NPR3: variants seen among roughly 807,000 people sequenced by gnomAD.
NPR3 encodes natriuretic peptide receptor 3, also known as atrial natriuretic peptide receptor 3.
NPR3 carries 34 observed loss-of-function variants against 54.5 expected under a neutral mutation model. The observed-to-expected ratio is 0.62, with a 90% CI of 0.47 to 0.83. The LOEUF (loss-of-function observed/expected upper bound fraction) is 0.83, where lower values mean the gene tolerates loss of function less well. NPR3 is among the 40% of genes least tolerant of loss of function. NPR3 has a pLI of 0.00. For missense variants in NPR3, 674 were observed against 720.8 expected, an observed-to-expected ratio of 0.94 and a Z score of 0.74; for synonymous variants, 289 against 297.1, an observed-to-expected ratio of 0.97 and a Z score of 0.28.
chr5:32,739,427 A>G (rs1450391304), intron 3 of NPR3, among the ~76,000 whole-genome samples: 1 of 152,084 alleles, frequency 6.6e-6, no homozygotes, highest in African/African-American at 2.4e-5. Flanking sequence ...AATTTTTTCA[A>G]AGCTTGGTGG....
rs542878651 is a variant in NPR3 at position 32,768,060 on chromosome 5, C to T, written c.1060-6648C>T. 8.5e-5 allele frequency among the ~76,000 whole-genome samples: 13 copies of T among 152,314 alleles called. No homozygotes were observed. In the East Asian group the frequency reaches 2.1e-3, roughly 25 times the overall value. On this transcript the variant is annotated intron_variant, in intron 3 of 7. Coordinates refer to ENST00000265074, the MANE Select transcript of NPR3 (RefSeq NM_001204375.2). Reference sequence around the variant, plus strand: ...GGTGAGTGGGATGCCTGCTCCTGATCCTGCTCCTCTTCCCGCCCTTCTCCT... The same window carrying T: ...GGTGAGTGGGATGCCTGCTCCTGATTCTGCTCCTCTTCCCGCCCTTCTCCT...
chr5:32,712,421 C>T lies in NPR3; in HGVS notation c.645C>T (p.Phe215=), dbSNP rs1431324717. The T allele has an allele frequency of 6.2e-7, 1 of 1,613,030 alleles. No homozygotes were observed. The highest frequency in any genetic ancestry group is 2.2e-5 in the East Asian group (1 of 44,884). ...SDDKLERNCY[F]TLEGVHEVFQ... ...ACAAGCTGGAGCGGAACTGCTACTT[C>T]ACCCTCGAGGGGGTCCACGAGGTCT... is the stretch of plus-strand genomic sequence containing the variant. The change falls in exon 1 of 8, where the codon TTC becomes TTT. Residue 215 remains phenylalanine (F), a synonymous_variant. Transcript: ENST00000265074.
intron 3 of NPR3, among the ~76,000 whole-genome samples, chr5:32,756,442 A>G (rs1740844686): frequency 1.3e-5 from 2 of 151,944 alleles, no homozygotes; most frequent in Non-Finnish European, 2.9e-5. Context: ...CTACTTTTTG[A>G]TGGGGTTGTT....
chr5:32,716,408 C>T lies in NPR3; in HGVS notation c.769+3863C>T, dbSNP rs1024491436. Reference sequence around the variant, plus strand: ...GTTTTAGGTCTTATCTGTTGGAATCCCAGTGGAAGAAAATTCTCTTCTTGA... The same window carrying T: ...GTTTTAGGTCTTATCTGTTGGAATCTCAGTGGAAGAAAATTCTCTTCTTGA... On this transcript the variant is annotated intron_variant, in intron 1 of 7. Transcript: ENST00000265074. 3 of 454,304 alleles carry T rather than the reference C, an allele frequency of 6.6e-6. No individual in the cohort carries two copies. In the Admixed American group the frequency reaches 7.1e-5, roughly 11 times the overall value. The allele number at this position is 454,304 out of a possible 1,614,324, so 28.1% of individuals were successfully genotyped here.
chr5:32,785,013 G>C (rs1742535574), intron 7 of NPR3, 130 bp downstream of exon 7: 2 of 770,324 alleles, frequency 2.6e-6, no homozygotes, highest in Non-Finnish European at 4.3e-6. Context: ...AAAAATCTCA[G>C]CCATTCTTTT....
upstream of NPR3, among the ~76,000 whole-genome samples, chr5:32,707,931 G>A (rs887196739): frequency 6.7e-5 from 10 of 148,486 alleles, no homozygotes; most frequent in African/African-American, 2.2e-4. Context: ...AAAATAAACC[G>A]TTGAATACTT....
At chr5:32,710,519 G>A, upstream of NPR3, 2 of 897,246 alleles carry the variant, frequency 2.2e-6, no homozygotes, top group Non-Finnish European at 1.5e-6. Flanking sequence ...GCTGACAGAG[G>A]GTCCGTGAGC....
intron 3 of NPR3, among the ~76,000 whole-genome samples, chr5:32,744,145 G>C (rs556382311): frequency 6.6e-5 from 10 of 151,796 alleles, no homozygotes; most frequent in Middle Eastern, 3.4e-3. Context: ...GGCACGTGCC[G>C]CCACGCCTGG....
rs1460036658 is a variant in NPR3 at position 32,711,936 on chromosome 5, G to A, written c.160G>A (p.Glu54Lys). ...EREALPPQKIEVLVLLPQDDS... is the reference protein window; with the variant it reads ...EREALPPQKIKVLVLLPQDDS... The stretch of plus-strand genomic sequence containing the variant: ...AGAGGCGCTGCCGCCACAGAAGATC[G>A]AGGTGCTGGTGTTACTGCCCCAGGA... The change falls in exon 1 of 8, where the codon GAG (glutamate) becomes AAG (lysine). Residue 54 changes from glutamate (E) to lysine (K), a missense_variant. By Grantham distance (56) the Glu-to-Lys change is moderately conservative. Transcript: ENST00000265074. 1.3e-6 allele frequency: 2 copies of A among 1,527,006 alleles called. No individual in the cohort carries two copies. Among genetic ancestry groups the A allele is most frequent in the Non-Finnish European group, 1.8e-6 (2 of 1,135,734 alleles). The allele number at this position is 1,527,006 out of a possible 1,614,324, so 94.6% of individuals were successfully genotyped here.
At chr5:32,768,083 C>T (rs1262123857) in intron 3 of NPR3, among the ~76,000 whole-genome samples, 1 of 152,176 alleles carries the variant, frequency 6.6e-6, no homozygotes, top group South Asian at 2.1e-4. Context: ...CCGCCCTTCT[C>T]CTGTTGGGTT....
At chr5:32,769,458 G>A (rs774258946) in intron 3 of NPR3, among the ~76,000 whole-genome samples, 22 of 152,130 alleles carry the variant, frequency 1.4e-4, no homozygotes, top group Non-Finnish European at 1.2e-4. Context: ...CCTATGATGG[G>A]CCCATCTCTT....
At position 32,757,546 on chromosome 5, in the gene NPR3, A is replaced by C. The variant is rs193140953; in HGVS notation, c.1060-17162A>C. 2.9e-4 allele frequency among the ~76,000 whole-genome samples: 44 copies of C among 152,308 alleles called. No homozygotes were observed. The East Asian group carries it at 8.5e-3, about 29-fold the overall frequency. Reference sequence around the variant, plus strand: ...AAATATACAGTCATGTCATCTGCAAACAGGGACAGTTTGACTTCCTCTTTT... The same window carrying C: ...AAATATACAGTCATGTCATCTGCAACCAGGGACAGTTTGACTTCCTCTTTT... On this transcript the variant is annotated intron_variant, in intron 3 of 7. Coordinates refer to ENST00000265074, the MANE Select transcript of NPR3 (RefSeq NM_001204375.2).
At chr5:32,697,732 T>C (rs919458132) in intron 1 of NPR3, among the ~76,000 whole-genome samples, 3 of 152,192 alleles carry the variant, frequency 2.0e-5, no homozygotes, top group African/African-American at 7.2e-5. Context: ...ATTGTATGTG[T>C]CTAGGAATTT....
At chr5:32,742,145 A>G (rs1740070235) in intron 3 of NPR3, among the ~76,000 whole-genome samples, 1 of 151,940 alleles carries the variant, frequency 6.6e-6, no homozygotes, top group African/African-American at 2.4e-5. Flanking sequence ...TTAGAACTCC[A>G]GTTCATGATG....
At chr5:32,771,366 A>G (rs1741750692) in intron 3 of NPR3, among the ~76,000 whole-genome samples, 1 of 152,208 alleles carries the variant, frequency 6.6e-6, no homozygotes, top group African/African-American at 2.4e-5. Context: ...CCATTTGCAA[A>G]TCAAGCTAGA....
intron 3 of NPR3, among the ~76,000 whole-genome samples, chr5:32,755,878 T>A (rs1339760674): frequency 6.6e-6 from 1 of 152,188 alleles, no homozygotes; most frequent in Non-Finnish European, 1.5e-5. Context: ...CTTGCGATAG[T>A]TTGCTGAGAA....
At chr5:32,759,602 A>C (rs988069214) in intron 3 of NPR3, among the ~76,000 whole-genome samples, 1 of 152,180 alleles carries the variant, frequency 6.6e-6, no homozygotes, top group African/African-American at 2.4e-5. Flanking sequence ...CAGCCCATTT[A>C]CATTTAAAGT....
chr5:32,745,647 G>C (rs985018217), intron 3 of NPR3, among the ~76,000 whole-genome samples: 6 of 152,144 alleles, frequency 3.9e-5, no homozygotes, highest in African/African-American at 1.2e-4. Flanking sequence ...GGCTCTACAC[G>C]TGAGCCTGGC....
rs1299474754 is a variant in NPR3, at chr5:32,728,833, G to GTATA, written c.892+4014_892+4015insATAT. Reference sequence around the variant, plus strand: ...GGAATATTTGTGTGTGTGTGTGTGTGTGTGTATATATATATATATATATAT... The same window carrying GTATA: ...GGAATATTTGTGTGTGTGTGTGTGTGTATATGTGTATATATATATATATATATAT... On this transcript the variant is annotated intron_variant, in intron 2 of 7. Transcript: ENST00000265074. Among the ~76,000 whole-genome samples, 205 of 63,954 alleles carry GTATA rather than the reference G, an allele frequency of 3.2e-3. 1 individual carries two copies. Among genetic ancestry groups the GTATA allele is most frequent in the Middle Eastern group, 8.9e-3 (1 of 112 alleles). The allele number at this position is 63,954 out of a possible 152,430, so 42.0% of individuals were successfully genotyped here.
Sources: allele counts gnomAD v4.1 joint callset (sites outside exome capture counted in the v4.1 genomes callset), GRCh38; gene constraint gnomAD v4.1.1; transcripts MANE v1.5; gene names NCBI Gene and HGNC (gene_info 2026-07-23, HGNC 2026-07-21).